The following KCNIP4 variants were observed in gnomAD, a reference collection of about 807,000 sequenced individuals.
KCNIP4 encodes the protein potassium voltage-gated channel interacting protein 4.
A neutral mutation model predicts 34.0 loss-of-function variants in KCNIP4; 12 were observed. The observed-to-expected ratio is 0.35, with a 90% CI of 0.23 to 0.57. KCNIP4 has a LOEUF of 0.57. Ranked by LOEUF, KCNIP4 falls within the 20% of genes least tolerant of loss-of-function variation. The probability of loss-of-function intolerance (pLI) is 0.83; values close to 1 mark genes in which losing one functional copy is unlikely to be tolerated. For synonymous variants in KCNIP4, 124 were observed against 102.2 expected, an observed-to-expected ratio of 1.21 and a Z score of -1.29; for missense variants, 238 against 311.7, an observed-to-expected ratio of 0.76 and a Z score of 1.78.
chr4:21,890,612 C>A (rs1727037067), intron 1 of KCNIP4, among the ~76,000 whole-genome samples: 1 of 152,076 alleles, frequency 6.6e-6, no homozygotes, highest in African/African-American at 2.4e-5. Context: ...GAGGAAGACA[C>A]AGTCCCTGAA....
chr4:21,687,616 GAGAAAACTAC>G (rs1261409840), intron 1 of KCNIP4, among the ~76,000 whole-genome samples: 5 of 152,090 alleles, frequency 3.3e-5, no homozygotes, highest in African/African-American at 1.2e-4. Flanking sequence ...AATTTTTATG[GAGAAAACTAC>G]AATGCCTCCC....
chr4:20,885,121 T>G lies in KCNIP4; in HGVS notation c.62-2412A>C, dbSNP rs562106712. ...CCTCCCCTGCTTCCCAAGCTAACTTTGGGAGAAATTTAGCTTATAGTTTAA... is the reference window on the plus strand; with the variant it reads ...CCTCCCCTGCTTCCCAAGCTAACTTGGGGAGAAATTTAGCTTATAGTTTAA... On this transcript the variant is annotated intron_variant, in intron 1 of 8. Transcript: ENST00000382152. Among the ~76,000 whole-genome samples, 10 of 151,950 alleles carry G rather than the reference T, an allele frequency of 6.6e-5. No individual in the cohort carries two copies. The East Asian group carries it at 1.9e-3, about 30-fold the overall frequency.
At chr4:21,599,185 TCC>T (rs1422047415) in intron 1 of KCNIP4, among the ~76,000 whole-genome samples, 1 of 152,052 alleles carries the variant, frequency 6.6e-6, no homozygotes, top group Admixed American at 6.6e-5. Flanking sequence ...TGAATCCTCC[TCC>T]CCTGTTTCAC....
chr4:21,153,265 AT>A (rs1413085030), intron 1 of KCNIP4, among the ~76,000 whole-genome samples: 1 of 152,132 alleles, frequency 6.6e-6, no homozygotes, highest in African/African-American at 2.4e-5. Context: ...AAAGCAACAT[AT>A]AAAAGTATTT....
chr4:21,762,364 C>A (rs1375987717), intron 1 of KCNIP4, among the ~76,000 whole-genome samples: 1 of 152,092 alleles, frequency 6.6e-6, no homozygotes, highest in Non-Finnish European at 1.5e-5. Flanking sequence ...TGTGACTACC[C>A]TAAAGGACAG....
chr4:21,735,022 C>T (rs1715887716), intron 1 of KCNIP4, among the ~76,000 whole-genome samples: 1 of 152,090 alleles, frequency 6.6e-6, no homozygotes, highest in Non-Finnish European at 1.5e-5. Flanking sequence ...ATTGCCTCAA[C>T]TGATATTTGC....
At chr4:21,007,276 C>T (rs965841056) in intron 1 of KCNIP4, among the ~76,000 whole-genome samples, 17 of 152,006 alleles carry the variant, frequency 1.1e-4, no homozygotes, top group African/African-American at 4.1e-4. Context: ...CCTGAGACAC[C>T]GTATATGGCG....
intron 1 of KCNIP4, among the ~76,000 whole-genome samples, chr4:21,480,486 A>C (rs1731330242): frequency 6.6e-6 from 1 of 152,294 alleles, no homozygotes; most frequent in South Asian, 2.1e-4. Flanking sequence ...TATAATGATG[A>C]TTCATGAGAA....
intron 1 of KCNIP4, among the ~76,000 whole-genome samples, chr4:21,090,609 T>G (rs1314892827): frequency 6.6e-6 from 1 of 152,218 alleles, no homozygotes; most frequent in Admixed American, 6.5e-5. Flanking sequence ...TTGCATTGTA[T>G]GTTCCTCTCA....
chr4:21,013,757 C>T (rs1194578976), intron 1 of KCNIP4, among the ~76,000 whole-genome samples: 2 of 152,138 alleles, frequency 1.3e-5, no homozygotes, highest in African/African-American at 4.8e-5. Flanking sequence ...GGGCTTAGAA[C>T]TTAAATACAG....
chr4:21,347,685 T>C (rs1379352922), intron 1 of KCNIP4, among the ~76,000 whole-genome samples: 1 of 152,192 alleles, frequency 6.6e-6, no homozygotes, highest in Admixed American at 6.5e-5. Context: ...ATATAAAGCA[T>C]GGAGTATAGT....
intron 1 of KCNIP4, among the ~76,000 whole-genome samples, chr4:20,963,089 G>A (rs1260505785): frequency 6.6e-6 from 1 of 152,090 alleles, no homozygotes; most frequent in Non-Finnish European, 1.5e-5. Context: ...TGGGAGGCGA[G>A]GCAGGCAGAT....
Position 21,319,104 on chromosome 4 carries a change from G to A in KCNIP4, c.62-436395C>T, listed in dbSNP as rs189418407. ...CGCTAAAATACATTCAACGAGGCGC[G>A]AATTCTAGCCTGGCACTTAGGGCCT... On this transcript the variant is annotated intron_variant, in intron 1 of 8. Coordinates refer to ENST00000382152, the MANE Select transcript of KCNIP4 (RefSeq NM_025221.6). 9.4e-4 allele frequency among the ~76,000 whole-genome samples: 143 copies of A among 152,286 alleles called. 2 individuals carry two copies. In the Middle Eastern group the frequency reaches 0.01, roughly 11 times the overall value.
chr4:21,898,917 G>T (rs1370784923), intron 1 of KCNIP4, among the ~76,000 whole-genome samples: 7 of 152,158 alleles, frequency 4.6e-5, no homozygotes, highest in Non-Finnish European at 1.0e-4. Context: ...GAAGCCCAGT[G>T]CCCTGAATGG....
chr4:20,774,378 T>C (rs1003684179), intron 3 of KCNIP4, among the ~76,000 whole-genome samples: 1 of 152,144 alleles, frequency 6.6e-6, no homozygotes, highest in African/African-American at 2.4e-5. Flanking sequence ...GCCCCTTCCT[T>C]ATGAGCCACT....
At chr4:21,898,066 G>A (rs1727497442) in intron 1 of KCNIP4, among the ~76,000 whole-genome samples, 1 of 152,170 alleles carries the variant, frequency 6.6e-6, no homozygotes, top group East Asian at 1.9e-4. Context: ...AGCCAGTGTG[G>A]ATGGAGGGAG....
rs1260500362 is a variant in KCNIP4, at chr4:21,400,534, T to C, written c.62-517825A>G. ...CTTCCTCTTCTCTTCTCTTCTCTTCTCTTCTCTTCTCTTCTCTTCTCTTCT... is the reference window on the plus strand; with the variant it reads ...CTTCCTCTTCTCTTCTCTTCTCTTCCCTTCTCTTCTCTTCTCTTCTCTTCT... On this transcript the variant is annotated intron_variant, in intron 1 of 8. Coordinates refer to ENST00000382152, the MANE Select transcript of KCNIP4 (RefSeq NM_025221.6). Among the ~76,000 whole-genome samples the C allele has an allele frequency of 4.7e-3, 379 of 80,246 alleles. 7 individuals carry two copies. The highest frequency in any genetic ancestry group is 0.023 in the African/African-American group (347 of 15,078). 52.6% of individuals were successfully genotyped at this position (80,246 alleles called of 152,430 possible). A position where few individuals can be genotyped will look rare whatever the true frequency, so the allele number is the denominator to read the frequency against.
intron 1 of KCNIP4, among the ~76,000 whole-genome samples, chr4:21,370,846 TATATACAC>T (rs1312116480): frequency 4.1e-4 from 10 of 24,492 alleles, no homozygotes; most frequent in Admixed American, 6.1e-4. Context: ...TATATATATA[TATATACAC>T]ACACACACAC....
intron 1 of KCNIP4, among the ~76,000 whole-genome samples, chr4:21,460,492 T>G (rs1560427574): frequency 6.6e-6 from 1 of 152,052 alleles, no homozygotes; most frequent in Non-Finnish European, 1.5e-5. Context: ...GTTCTGGATG[T>G]TGGGAAGATC....
Sources: gnomAD v4.1 joint callset for allele counts (sites outside exome capture counted in the v4.1 genomes callset) on GRCh38, gnomAD v4.1.1 for gene constraint, MANE v1.5 for transcripts, NCBI Gene and HGNC (gene_info 2026-07-23, HGNC 2026-07-21) for gene names.